Variants in ENTREP2 observed in about 807,000 individuals in gnomAD.
ENTREP2 encodes protein ENTREP2.
At chr15:29,374,241 G>A in the ENTREP2 span, 1 of 152,022 alleles carries the variant, frequency 6.6e-6, no homozygotes, top group Non-Finnish European at 1.5e-5. Flanking sequence ...TCTTTGTTTC[G>A]TTTCGGTCCC....
At chr15:29,271,397 TC>T in the ENTREP2 span, among the ~76,000 whole-genome samples, 2 of 152,176 alleles carry the variant, frequency 1.3e-5, no homozygotes, top group South Asian at 2.1e-4. Flanking sequence ...AGAGAGACCG[TC>T]TCATATTGTT....
At chr15:29,247,175 C>T in the ENTREP2 span, among the ~76,000 whole-genome samples, 16 of 152,002 alleles carry the variant, frequency 1.1e-4, no homozygotes, top group African/African-American at 3.9e-4. Flanking sequence ...AGTAGGTATC[C>T]TAAAGAAAAA....
At chr15:29,269,800 C>G in the ENTREP2 span, 1 of 1,201,968 alleles carries the variant, frequency 8.3e-7, no homozygotes, top group East Asian at 3.1e-5. Flanking sequence ...TGCCTGGAGG[C>G]GCGCGCAGTG....
At chr15:29,124,438 TA>T in the ENTREP2 span, among the ~76,000 whole-genome samples, 1 of 152,234 alleles carries the variant, frequency 6.6e-6, no homozygotes, top group Admixed American at 6.5e-5. Context: ...GGGGCCCATC[TA>T]CCCCAGATGA....
the ENTREP2 span, among the ~76,000 whole-genome samples, chr15:29,632,207 G>C: frequency 1.3e-5 from 2 of 152,012 alleles, no homozygotes; most frequent in Admixed American, 6.5e-5. Flanking sequence ...CTCAAGTCTT[G>C]AGTTCTCGAA....
At chr15:29,607,183 T>C in the ENTREP2 span, among the ~76,000 whole-genome samples, 3 of 152,196 alleles carry the variant, frequency 2.0e-5, no homozygotes, top group Admixed American at 2.0e-4. Flanking sequence ...TCTTGGATTA[T>C]AGCTCTTAGT....
the ENTREP2 span, among the ~76,000 whole-genome samples, chr15:29,662,831 C>T: frequency 6.6e-6 from 1 of 152,138 alleles, no homozygotes; most frequent in South Asian, 2.1e-4. Flanking sequence ...AGCAATTCTC[C>T]TGCCTCCGCC....
At chr15:29,220,537 G>A in the ENTREP2 span, among the ~76,000 whole-genome samples, 1 of 152,132 alleles carries the variant, frequency 6.6e-6, no homozygotes, top group Non-Finnish European at 1.5e-5. Context: ...GGAAGGAGAG[G>A]AGCTGCCGCA....
the ENTREP2 span, among the ~76,000 whole-genome samples, chr15:29,257,354 T>G: frequency 6.6e-6 from 1 of 152,210 alleles, no homozygotes; most frequent in Non-Finnish European, 1.5e-5. Context: ...ATTACAGGCG[T>G]GAGCCACCGC....
chr15:29,272,517 G>A, the ENTREP2 span, among the ~76,000 whole-genome samples: 3 of 152,112 alleles, frequency 2.0e-5, no homozygotes, highest in Non-Finnish European at 4.4e-5. Flanking sequence ...GGATGACGAG[G>A]TTCATAAATT....
chr15:29,610,417 G>A, the ENTREP2 span: 1 of 150,476 alleles, frequency 6.6e-6, no homozygotes, highest in African/African-American at 2.4e-5. Context: ...GGTACACTGC[G>A]ATGCTTCATT....
At chr15:29,656,009 G>A in the ENTREP2 span, among the ~76,000 whole-genome samples, 4 of 121,082 alleles carry the variant, frequency 3.3e-5, no homozygotes, top group East Asian at 2.7e-4. Flanking sequence ...GGGTGACAAA[G>A]CAACACTCCG....
At chr15:29,211,935 T>C in the ENTREP2 span, among the ~76,000 whole-genome samples, 1 of 152,178 alleles carries the variant, frequency 6.6e-6, no homozygotes, top group African/African-American at 2.4e-5. Context: ...GTCTGTAGTT[T>C]TCTTTTTTGG....
the ENTREP2 span, among the ~76,000 whole-genome samples, chr15:29,237,751 C>A: frequency 6.6e-6 from 1 of 151,636 alleles, no homozygotes; most frequent in African/African-American, 2.4e-5. Context: ...TGGTCTGGCA[C>A]TTTCTTAAAT....
the ENTREP2 span, among the ~76,000 whole-genome samples, chr15:29,248,810 C>A: frequency 6.6e-6 from 1 of 151,896 alleles, no homozygotes; most frequent in Non-Finnish European, 1.5e-5. Flanking sequence ...AATGGGTAAA[C>A]TTCCCTAAAA....
chr15:29,123,675 G>C, the ENTREP2 span: 2 of 1,542,446 alleles, frequency 1.3e-6, no homozygotes, highest in Non-Finnish European at 1.8e-6. Context: ...AAGGGCAAAA[G>C]TGCAGTTCAA....
At chr15:29,550,521 A>G in the ENTREP2 span, among the ~76,000 whole-genome samples, 1 of 152,344 alleles carries the variant, frequency 6.6e-6, no homozygotes, top group Non-Finnish European at 1.5e-5. Context: ...ACAGTTACCA[A>G]AGCGAGTAAA....
chr15:29,344,741 G>T, the ENTREP2 span, among the ~76,000 whole-genome samples: 1 of 152,070 alleles, frequency 6.6e-6, no homozygotes, highest in Non-Finnish European at 1.5e-5. Context: ...GACAGACAGC[G>T]TGTCCCCAAG....
At chr15:29,428,430 G>T in the ENTREP2 span, among the ~76,000 whole-genome samples, 1 of 152,054 alleles carries the variant, frequency 6.6e-6, no homozygotes, top group Non-Finnish European at 1.5e-5. Flanking sequence ...GACCAGGCTG[G>T]TCTTGAACTC....
Sources: gnomAD v4.1 joint callset for allele counts (sites outside exome capture counted in the v4.1 genomes callset) on GRCh38, gnomAD v4.1.1 for gene constraint, MANE v1.5 for transcripts, NCBI Gene and HGNC (gene_info 2026-07-23, HGNC 2026-07-21) for gene names.